The following DPP6 variants were observed in gnomAD, a reference collection of about 807,000 sequenced individuals.
DPP6 encodes dipeptidyl peptidase like 6, also known as A-type potassium channel modulatory protein DPP6.
A neutral mutation model predicts 122.6 loss-of-function variants in DPP6; 69 were observed. The observed-to-expected ratio is 0.56, with a 90% confidence interval of 0.46 to 0.69. The LOEUF is 0.69. DPP6 is among the 30% of genes least tolerant of loss of function. DPP6 has a pLI of 0.00. For missense variants in DPP6, 928 were observed against 1,116.9 expected (o/e 0.83, Z 2.41); for synonymous variants, 418 against 433.1 (o/e 0.97, Z 0.43).
the DPP6 span, among the ~76,000 whole-genome samples, chr7:153,822,480 T>C: frequency 2.7e-4 from 40 of 150,840 alleles, no homozygotes; most frequent in South Asian, 4.1e-4. Context: ...CATGAGCCAC[T>C]GTGCCCGGTT....
At chr7:154,879,918 C>T (rs1229731563) in intron 20 of DPP6, among the ~76,000 whole-genome samples, 1 of 152,224 alleles carries the variant, frequency 6.6e-6, no homozygotes, top group Non-Finnish European at 1.5e-5. Flanking sequence ...GGGCACAGCG[C>T]ACGCCAGGAA....
intron 1 of DPP6, among the ~76,000 whole-genome samples, chr7:153,910,368 T>C (rs1800032304): frequency 6.6e-6 from 1 of 152,034 alleles, no homozygotes; most frequent in Admixed American, 6.6e-5. Context: ...TAGCTGGGAC[T>C]ATAGGCACGA....
At chr7:153,972,474 A>G (rs545666479) in intron 1 of DPP6, among the ~76,000 whole-genome samples, 79 of 152,036 alleles carry the variant, frequency 5.2e-4, no homozygotes, top group Non-Finnish European at 8.8e-4. Context: ...ATGTGAGGTC[A>G]CTGAGCTGGC....
intron 16 of DPP6, among the ~76,000 whole-genome samples, chr7:154,822,029 C>G (rs1164509415): frequency 6.6e-6 from 1 of 152,162 alleles, no homozygotes; most frequent in Non-Finnish European, 1.5e-5. Context: ...ATATCTGATA[C>G]AACCTCCGAG....
chr7:154,313,429 A>G (rs1807079828), intron 1 of DPP6, among the ~76,000 whole-genome samples: 1 of 152,024 alleles, frequency 6.6e-6, no homozygotes, highest in South Asian at 2.1e-4. Context: ...GTAAAGTTCT[A>G]GAAGGGAGGG....
chr7:154,012,038 A>G (rs989004314), intron 1 of DPP6, among the ~76,000 whole-genome samples: 1 of 152,192 alleles, frequency 6.6e-6, no homozygotes, highest in Admixed American at 6.5e-5. Flanking sequence ...TTTTAATTAT[A>G]ACAAAATGGC....
At chr7:153,896,540 C>G (rs1487406863) in intron 1 of DPP6, among the ~76,000 whole-genome samples, 3 of 152,120 alleles carry the variant, frequency 2.0e-5, no homozygotes, top group African/African-American at 7.2e-5. Context: ...CACAGTGGCT[C>G]ACACCTGTAA....
At position 154,769,544 on chromosome 7, in the gene DPP6, C is replaced by T. The variant is rs781733598; in HGVS notation, c.1011C>T (p.Pro337=). 2 of 1,611,514 alleles carry T rather than the reference C, an allele frequency of 1.2e-6. No individual in the cohort carries two copies. The highest frequency in any genetic ancestry group is 1.7e-6 in the Non-Finnish European group (2 of 1,178,314). Residue 337 remains proline (P), a synonymous_variant, in exon 9 of 26, where the codon CCC becomes CCT. Transcript: ENST00000377770. ...CAACTTACACCGGCTCCATCTACCC[C>T]ACCGTGAAGCCCTACCACTATCCCA... is the stretch of plus-strand genomic sequence containing the variant. The part of the protein sequence containing the change: ...ELPTYTGSIY[P]TVKPYHYPKA...
chr7:154,449,415 A>G (rs77738093), intron 2 of DPP6, among the ~76,000 whole-genome samples: 1 of 152,274 alleles, frequency 6.6e-6, no homozygotes, highest in East Asian at 1.9e-4. Context: ...AGAACCAAAC[A>G]CAAACAAAAA....
At chr7:154,780,328 G>T (rs757064215) in intron 10 of DPP6, among the ~76,000 whole-genome samples, 31 of 152,202 alleles carry the variant, frequency 2.0e-4, no homozygotes, top group Non-Finnish European at 3.8e-4. Flanking sequence ...ACAGCTGTCA[G>T]AATAATAAGT....
chr7:154,154,797 G>A (rs934482885), intron 1 of DPP6, among the ~76,000 whole-genome samples: 1 of 152,210 alleles, frequency 6.6e-6, no homozygotes, highest in Non-Finnish European at 1.5e-5. Context: ...ACACACACAT[G>A]CATGCACACA....
At chr7:154,441,929 GTTGT>G (rs1365121157) in intron 1 of DPP6, among the ~76,000 whole-genome samples, 1 of 152,196 alleles carries the variant, frequency 6.6e-6, no homozygotes, top group African/African-American at 2.4e-5. Context: ...GTTTTAGTTC[GTTGT>G]TTGTTTTATT....
the DPP6 span, among the ~76,000 whole-genome samples, chr7:153,799,776 A>G: frequency 6.6e-6 from 1 of 152,234 alleles, no homozygotes; most frequent in South Asian, 2.1e-4. Flanking sequence ...GTCTCATTCT[A>G]TTATCCCAAT....
At chr7:154,208,847 C>G (rs1041112537) in intron 1 of DPP6, among the ~76,000 whole-genome samples, 2 of 151,968 alleles carry the variant, frequency 1.3e-5, no homozygotes, top group African/African-American at 4.8e-5. Context: ...TACACTCTGC[C>G]TCCTAAATCA....
intron 1 of DPP6, among the ~76,000 whole-genome samples, chr7:154,127,674 C>CCT (rs1808035012): frequency 6.8e-6 from 1 of 148,044 alleles, no homozygotes; most frequent in East Asian, 2.0e-4. Context: ...CACACACACA[C>CCT]ACAAAACAGC....
intron 1 of DPP6, among the ~76,000 whole-genome samples, chr7:154,242,999 C>T (rs917595166): frequency 1.3e-5 from 2 of 152,138 alleles, no homozygotes; most frequent in Non-Finnish European, 2.9e-5. Context: ...TCAGAAAGTC[C>T]ACACCATAGC....
rs909183836 is a variant in DPP6, at chr7:154,241,056, T to C, written c.243+187993T>C. ...GTCATTATGTGATTTGTTGGAATAT[T>C]GTGAAGTTCCGTTGATAAATAAATT... On this transcript the variant is annotated intron_variant, in intron 1 of 25. Coordinates refer to ENST00000377770, the MANE Select transcript of DPP6 (RefSeq NM_130797.4). This position sits in a 1 kb window ranked among gnomAD's most constrained non-coding sequence, Gnocchi z 9.0. Among the ~76,000 whole-genome samples, 1 of 152,160 alleles carries C rather than the reference T, an allele frequency of 6.6e-6. No homozygotes were observed. The highest frequency in any genetic ancestry group is 6.5e-5 in the Admixed American group (1 of 15,276).
intron 1 of DPP6, among the ~76,000 whole-genome samples, chr7:154,338,884 G>A (rs1425253723): frequency 1.3e-5 from 2 of 152,284 alleles, no homozygotes; most frequent in East Asian, 3.9e-4. Flanking sequence ...GCGGCGGGTG[G>A]CATTGCCCTG....
At chr7:154,301,857 A>G (rs1805930961) in intron 1 of DPP6, among the ~76,000 whole-genome samples, 1 of 125,120 alleles carries the variant, frequency 8.0e-6, no homozygotes, top group Non-Finnish European at 1.6e-5. Flanking sequence ...CAGCTCTGTC[A>G]CCCAGGCTGG....
Sources: allele counts gnomAD v4.1 joint callset (sites outside exome capture counted in the v4.1 genomes callset), GRCh38; gene constraint gnomAD v4.1.1; non-coding constraint Gnocchi (gnomAD v3.1); transcripts MANE v1.5; gene names NCBI Gene and HGNC (gene_info 2026-07-23, HGNC 2026-07-21).